Variants in SOX6 observed in about 807,000 individuals in gnomAD.
The protein encoded by SOX6 is transcription factor SOX-6.
Under a neutral mutation model 97.8 loss-of-function variants are expected in SOX6, and 11 were observed. The observed-to-expected ratio is 0.11, with a 90% CI of 0.07 to 0.19. The LOEUF is 0.19. Ranked by LOEUF, SOX6 falls within the 10% of genes least tolerant of loss-of-function variation. SOX6 has a pLI of 1.00. For synonymous variants in SOX6, 360 were observed against 371.4 expected (o/e 0.97, Z 0.35); for missense variants, 810 against 1,039.5 (o/e 0.78, Z 3.04).
chr11:16,211,618 T>C (rs1852236321), intron 4 of SOX6, among the ~76,000 whole-genome samples: 1 of 152,070 alleles, frequency 6.6e-6, no homozygotes, highest in Non-Finnish European at 1.5e-5. Context: ...AGAATGTAGT[T>C]GTATGAAGAG....
intron 6 of SOX6, among the ~76,000 whole-genome samples, chr11:16,146,487 T>C (rs1384577457): frequency 6.6e-6 from 1 of 151,690 alleles, no homozygotes; most frequent in South Asian, 2.1e-4. Context: ...GCAACAGAAG[T>C]CAAAATTGAC....
At chr11:16,424,923 T>G (rs150223913) in intron 1 of SOX6, among the ~76,000 whole-genome samples, 6 of 152,246 alleles carry the variant, frequency 3.9e-5, no homozygotes, top group African/African-American at 1.4e-4. Context: ...CATTGACTGT[T>G]CTCCTTCCCA....
rs142873847 is a variant in SOX6 at position 16,623,598 on chromosome 11, G to T, written n.430-11338C>A. Among the ~76,000 whole-genome samples, 6 of 152,126 alleles carry T rather than the reference G, an allele frequency of 3.9e-5. No homozygotes were observed. In the East Asian group the frequency reaches 1.2e-3, roughly 30 times the overall value. On this transcript the variant is annotated intron_variant and non_coding_transcript_variant, in intron 3 of 5. Transcript: ENST00000524520. The stretch of plus-strand genomic sequence containing the variant: ...CCATCTATTTATCTTTGTTTTTGTC[G>T]CATTTGCTTTTGGTTTCTTGGTCAT...
At chr11:15,985,300 A>C (rs1266976163) in intron 15 of SOX6, among the ~76,000 whole-genome samples, 2 of 152,166 alleles carry the variant, frequency 1.3e-5, no homozygotes, top group African/African-American at 4.8e-5. Context: ...TTCCTGGCAC[A>C]GCACAGCTCC....
intron 7 of SOX6, among the ~76,000 whole-genome samples, chr11:16,104,421 A>T (rs1024372050): frequency 6.6e-6 from 1 of 152,042 alleles, no homozygotes; most frequent in African/African-American, 2.4e-5. Context: ...TGAAGTGTCA[A>T]ATCAGAGAAC....
chr11:16,325,520 G>GA (rs1272702199), intron 2 of SOX6, among the ~76,000 whole-genome samples: 2 of 151,888 alleles, frequency 1.3e-5, no homozygotes, highest in Non-Finnish European at 1.5e-5. Context: ...AGGGGAAACA[G>GA]AAAAAAATAG....
intron 3 of SOX6, among the ~76,000 whole-genome samples, chr11:16,285,887 A>G (rs1590092538): frequency 1.3e-5 from 2 of 152,228 alleles, no homozygotes; most frequent in South Asian, 2.1e-4. Context: ...CTTCTGATGA[A>G]CCCTCAAATA....
chr11:16,301,936 C>T (rs1855271848), intron 3 of SOX6, among the ~76,000 whole-genome samples: 1 of 151,948 alleles, frequency 6.6e-6, no homozygotes, highest in African/African-American at 2.4e-5. Flanking sequence ...ACCTTTTCCC[C>T]AAACCTTCTC....
intron 6 of SOX6, among the ~76,000 whole-genome samples, chr11:16,120,114 C>T (rs1358170520): frequency 7.0e-6 from 1 of 143,044 alleles, no homozygotes; most frequent in African/African-American, 2.6e-5. Context: ...CTCTCTCCCC[C>T]CACCCCTTTC....
chr11:16,178,023 G>A (rs1851245794), intron 6 of SOX6, among the ~76,000 whole-genome samples: 1 of 151,898 alleles, frequency 6.6e-6, no homozygotes, highest in African/African-American at 2.4e-5. Context: ...GAAGGATAGC[G>A]CAGAAAAAGC....
intron 4 of SOX6, among the ~76,000 whole-genome samples, chr11:16,197,115 G>C (rs1199939942): frequency 2.6e-5 from 4 of 151,936 alleles, no homozygotes; most frequent in African/African-American, 7.2e-5. Context: ...ATTACAGGCG[G>C]GAGCCACCAC....
At chr11:16,306,103 A>G (rs1464600392) in intron 3 of SOX6, among the ~76,000 whole-genome samples, 1 of 152,204 alleles carries the variant, frequency 6.6e-6, no homozygotes, top group African/African-American at 2.4e-5. Context: ...CACACAACTG[A>G]GTACAATAAT....
At chr11:16,615,248 CAT>C (rs1848457154) in intron 3 of SOX6, among the ~76,000 whole-genome samples, 1 of 152,232 alleles carries the variant, frequency 6.6e-6, no homozygotes, top group South Asian at 2.1e-4. Flanking sequence ...CAAATCATCT[CAT>C]TTCTTAGTTG....
Position 16,703,336 on chromosome 11 carries a change from T to A in SOX6, n.429+11494A>T, listed in dbSNP as rs1228960193. On this transcript the variant is annotated intron_variant and non_coding_transcript_variant, in intron 3 of 5. Transcript: ENST00000524520. The stretch of plus-strand genomic sequence containing the variant: ...GGTAATGAAAACATTTTATTATTTT[T>A]ATGAATGTATAATGTCTTGCCATTG... 2.0e-5 allele frequency among the ~76,000 whole-genome samples: 3 copies of A among 152,326 alleles called. No homozygotes were observed. In the East Asian group the frequency reaches 5.8e-4, roughly 29 times the overall value.
At chr11:16,241,103 G>A (rs1853182744) in intron 3 of SOX6, among the ~76,000 whole-genome samples, 1 of 151,962 alleles carries the variant, frequency 6.6e-6, no homozygotes, top group South Asian at 2.1e-4. Context: ...CACTTATGCT[G>A]GTTTTCCTTT....
chr11:16,245,374 T>C (rs1230631473), intron 3 of SOX6, among the ~76,000 whole-genome samples: 4 of 151,882 alleles, frequency 2.6e-5, no homozygotes, highest in Non-Finnish European at 4.4e-5. Context: ...GGATGTTCCT[T>C]ATTCCCTTGA....
chr11:16,097,051 G>C (rs896025451), intron 8 of SOX6, among the ~76,000 whole-genome samples: 2 of 151,712 alleles, frequency 1.3e-5, no homozygotes, highest in Non-Finnish European at 2.9e-5. Flanking sequence ...TTCCCCCCAA[G>C]TTTAGCTTTA....
In SOX6 at chr11:16,433,996, C is replaced by T. The variant is rs575450357; in HGVS notation, c.-5+42319G>A. The T allele has an allele frequency of 9.2e-5, 14 of 152,080 alleles. No individual in the cohort carries two copies. In the East Asian group the frequency reaches 2.5e-3, roughly 27 times the overall value. The allele number at this position is 152,080 out of a possible 1,614,324, so 9.4% of individuals were successfully genotyped here. On this transcript the variant is annotated intron_variant, in intron 1 of 15. Coordinates refer to the SOX6 transcript ENST00000396356. ...CATATGTACCCTTCTAGTCTTAGGC[C>T]ACATCACTTTCTCAAAAAAAAGTAA...
intron 1 of SOX6, among the ~76,000 whole-genome samples, chr11:16,378,989 A>C (rs57463944): frequency 0.087 from 13,163 of 152,088 alleles, 654 homozygotes; most frequent in Non-Finnish European, 0.11. Context: ...CTATGACATA[A>C]GTAATATTAT....
Sources: allele counts gnomAD v4.1 joint callset (sites outside exome capture counted in the v4.1 genomes callset), GRCh38; gene constraint gnomAD v4.1.1; transcripts MANE v1.5; gene names NCBI Gene and HGNC (gene_info 2026-07-23, HGNC 2026-07-21).